Variants in ADGRG1 observed in about 807,000 individuals in gnomAD.
The protein encoded by ADGRG1 is 7-transmembrane protein with no EGF-like N-terminal domains-1.
In ADGRG1, 53 loss-of-function variants were observed where a neutral mutation model predicts 73.5. The ratio of observed to expected loss-of-function variants is 0.72; its 90% CI spans 0.58 to 0.91. The LOEUF (loss-of-function observed/expected upper bound fraction) is 0.91, where lower values mean the gene tolerates loss of function less well. Ranked by LOEUF, ADGRG1 falls within the 40% of genes least tolerant of loss-of-function variation. ADGRG1 has a pLI of 0.00. For missense variants in ADGRG1, 795 were observed against 871.8 expected, an observed-to-expected ratio of 0.91 and a Z score of 1.11; for synonymous variants, 394 against 374.4, an observed-to-expected ratio of 1.05 and a Z score of -0.60.
rs775739994 is a variant in ADGRG1 at position 57,654,056 on chromosome 16, G to A, written c.691G>A (p.Asp231Asn). ...FMGDMVSFEE[D>N]RINATVWKLQ... ...GGGGGACATGGTGTCCTTCGAGGAG[G>A]ACCGGATCAACGCCACGGTGTGGAA... Residue 231 changes from aspartate to asparagine, a missense_variant, in exon 5 of 14, where the codon GAC (aspartate) becomes AAC (asparagine). Coordinates refer to ENST00000562631, the MANE Select transcript of ADGRG1 (RefSeq NM_201525.4). 16 of 1,614,058 alleles carry A rather than the reference G, an allele frequency of 9.9e-6. No individual in the cohort carries two copies. The South Asian group carries it at 1.8e-4, about 18-fold the overall frequency.
Position 57,642,007 on chromosome 16 carries a change from C to T in ADGRG1, c.-35-8246C>T, listed in dbSNP as rs1337040253. ...GGCTCAAGCAATTCTCTTGCCTCAG[C>T]CTCCCAAGTAGCTGGTACTACAGGC... On this transcript the variant is annotated intron_variant, in intron 1 of 13. Transcript: ENST00000562631. 3.8e-6 allele frequency: 3 copies of T among 799,056 alleles called. No individual in the cohort carries two copies. The East Asian group carries it at 3.8e-4, about 101-fold the overall frequency. The allele number at this position is 799,056 out of a possible 1,614,324, so 49.5% of individuals were successfully genotyped here.
chr16:57,636,033 C>A (rs1374316263), intron 1 of ADGRG1: 1 of 985,266 alleles, frequency 1.0e-6, no homozygotes, highest in Non-Finnish European at 1.2e-6. Context: ...TGCTAGATCG[C>A]AGGACCCCAT....
At chr16:57,661,169 C>A in intron 12 of ADGRG1, 1 of 504,868 alleles carries the variant, frequency 2.0e-6, no homozygotes, top group Non-Finnish European at 2.6e-6. Context: ...TCACCACATT[C>A]CTCAGCAGCA....
At chr16:57,624,180 A>G, upstream of ADGRG1, 1 of 983,388 alleles carries the variant, frequency 1.0e-6, no homozygotes, top group Non-Finnish European at 1.2e-6. Context: ...AGAAGCCTGG[A>G]TATGAACTGC....
At chr16:57,639,042 C>A (rs1192804517) in intron 1 of ADGRG1, among the ~76,000 whole-genome samples, 2 of 151,782 alleles carry the variant, frequency 1.3e-5, no homozygotes, top group Non-Finnish European at 2.9e-5. Flanking sequence ...TGCACTCCAG[C>A]CTGGGCGAAA....
intron 2 of ADGRG1, 122 bp from the exon 3 acceptor site, chr16:57,651,078 C>T (rs2043961022): frequency 1.3e-6 from 2 of 1,593,498 alleles, no homozygotes; most frequent in Non-Finnish European, 1.7e-6. Context: ...TTTTGTAGAC[C>T]CTTGGAATGT....
chr16:57,626,620 G>A, upstream of ADGRG1: 1 of 985,454 alleles, frequency 1.0e-6, no homozygotes, highest in Non-Finnish European at 1.2e-6. Flanking sequence ...GGCCAGAGTG[G>A]CAGCTGGCTC....
intron 1 of ADGRG1, chr16:57,635,703 CCT>C: frequency 1.0e-6 from 1 of 985,378 alleles, no homozygotes; most frequent in African/African-American, 1.7e-5. Flanking sequence ...CCTCCCTTTC[CCT>C]CTCTATGGAG....
At chr16:57,635,196 T>G (rs186696704) in intron 1 of ADGRG1, 287 of 985,328 alleles carry the variant, frequency 2.9e-4, no homozygotes, top group Non-Finnish European at 3.4e-4. Context: ...GCACTTCCCC[T>G]GCCCCCCACC....
chr16:57,663,272 C>T lies in ADGRG1; in HGVS notation c.1934-180C>T, dbSNP rs1204397171. ...GTGACAGTGAGAGGCCACACGGGGA[C>T]GCAGCACAGTGCCCGGCTCATAGGA... is the stretch of plus-strand genomic sequence containing the variant. On this transcript the variant is annotated intron_variant, in intron 13 of 13. Coordinates refer to ENST00000562631, the MANE Select transcript of ADGRG1 (RefSeq NM_201525.4). The T allele has an allele frequency of 1.8e-5, 17 of 958,610 alleles. 1 individual carries two copies. The highest frequency in any genetic ancestry group is 1.4e-4 in the South Asian group (3 of 20,762). 59.4% of individuals were successfully genotyped at this position (958,610 alleles called of 1,614,324 possible). A position where few individuals can be genotyped will look rare whatever the true frequency, so the allele number is the denominator to read the frequency against.
Position 57,656,480 on chromosome 16 carries a change from A to G in ADGRG1, c.1064-34A>G, listed in dbSNP as rs778347696. On this transcript the variant is annotated intron_variant, in intron 8 of 13. Coordinates refer to ENST00000562631, the MANE Select transcript of ADGRG1 (RefSeq NM_201525.4). ...ACACAGTGGGGTCCTGGAGGACTGG[A>G]CTTGATTGGAGCCCCGTGCTGTCCC... The G allele has an allele frequency of 6.9e-6, 11 of 1,587,188 alleles. No individual in the cohort carries two copies. In the South Asian group the frequency reaches 1.2e-4, roughly 18 times the overall value.
intron 1 of ADGRG1, chr16:57,639,559 G>T (rs1178081291): frequency 3.0e-6 from 3 of 985,378 alleles, no homozygotes; most frequent in Non-Finnish European, 1.2e-6. Flanking sequence ...AGGTGGTCGG[G>T]GGACATTGAC....
intron 1 of ADGRG1, chr16:57,644,000 AC>A (rs1280929977): frequency 1.0e-6 from 1 of 984,886 alleles, no homozygotes; most frequent in Non-Finnish European, 1.2e-6. Context: ...AGTAAGATTT[AC>A]TTTTATTAAA....
In ADGRG1 at chr16:57,629,045, AGTGT is replaced by A. The variant is rs5817103; in HGVS notation, c.-36+249_-36+252del. 1.6e-4 allele frequency: 75 copies of A among 479,236 alleles called. No homozygotes were observed. In the Middle Eastern group the frequency reaches 5.3e-3, roughly 34 times the overall value. The allele number at this position is 479,236 out of a possible 1,614,324, so 29.7% of individuals were successfully genotyped here. Reference sequence around the variant, plus strand: ...GCGTTTGAGTGTGAGAGTGTGAGTGAGTGTGTGTGAGTATGAGTGTGAGTGTGAG... The same window carrying A: ...GCGTTTGAGTGTGAGAGTGTGAGTGAGTGTGAGTATGAGTGTGAGTGTGAG... On this transcript the variant is annotated intron_variant, in intron 1 of 13. Coordinates refer to ENST00000562631, the MANE Select transcript of ADGRG1 (RefSeq NM_201525.4).
At position 57,639,620 on chromosome 16, in the gene ADGRG1, C is replaced by T. The variant is rs1159587624; in HGVS notation, c.-35-10633C>T. 7.1e-6 allele frequency: 7 copies of T among 985,434 alleles called. No homozygotes were observed. In the African/African-American group the frequency reaches 8.7e-5, roughly 12 times the overall value. The allele number at this position is 985,434 out of a possible 1,614,324, so 61.0% of individuals were successfully genotyped here. A position where few individuals can be genotyped will look rare whatever the true frequency, so the allele number is the denominator to read the frequency against. On this transcript the variant is annotated intron_variant, in intron 1 of 13. Coordinates refer to ENST00000562631, the MANE Select transcript of ADGRG1 (RefSeq NM_201525.4). ...GCAAACAAGAACCCCTCATCTGCCA[C>T]GCACGTTCTTAATGTATCTATAGTC...
At chr16:57,654,196 G>A (rs2044883120) in intron 5 of ADGRG1, 63 bp downstream of exon 5, 4 of 1,529,948 alleles carry the variant, frequency 2.6e-6, no homozygotes, top group South Asian at 1.2e-5. Context: ...GGAGGTGGGG[G>A]CTGTGAGCAC....
chr16:57,639,794 C>T, intron 1 of ADGRG1: 1 of 818,534 alleles, frequency 1.2e-6, no homozygotes, highest in African/African-American at 1.9e-5. Flanking sequence ...CGCCTCCTTC[C>T]TCCCCATCCC....
chr16:57,662,760 C>T (rs768461145), intron 13 of ADGRG1, among the ~76,000 whole-genome samples: 3 of 152,090 alleles, frequency 2.0e-5, no homozygotes, highest in Non-Finnish European at 2.9e-5. Flanking sequence ...AACAGGGTCC[C>T]TTTCTGTGCA....
intron 1 of ADGRG1, chr16:57,642,763 G>A (rs947053387): frequency 2.1e-6 from 1 of 470,622 alleles, no homozygotes; most frequent in Non-Finnish European, 2.8e-6. Flanking sequence ...TAAAAGTTTG[G>A]GCTTGGAGGT....
Sources: allele counts gnomAD v4.1 joint callset (sites outside exome capture counted in the v4.1 genomes callset), GRCh38; gene constraint gnomAD v4.1.1; transcripts MANE v1.5; gene names NCBI Gene and HGNC (gene_info 2026-07-23, HGNC 2026-07-21).